CHSY1: variants seen among roughly 807,000 people sequenced by gnomAD.
CHSY1 encodes N-acetylgalactosaminyl-proteoglycan 3-beta-glucuronosyltransferase 1.
In CHSY1, 13 loss-of-function variants were observed where a neutral mutation model predicts 59.8. That is an observed-to-expected ratio of 0.22 (90% confidence interval 0.14 to 0.35). CHSY1 has a LOEUF of 0.35. Among genes scored for constraint, CHSY1 ranks in the 10% least tolerant of loss-of-function variants. CHSY1 has a pLI of 1.00. For missense variants in CHSY1, 947 were observed against 1,030.6 expected (o/e 0.92, Z 1.11); for synonymous variants, 459 against 401.2 (o/e 1.14, Z -1.72).
chr15:101,203,521 C>CA (rs1313653249), intron 2 of CHSY1, among the ~76,000 whole-genome samples: 11 of 152,172 alleles, frequency 7.2e-5, no homozygotes, highest in Admixed American at 5.2e-4. Context: ...ATTAACTCAT[C>CA]ATTAACTCAA....
At chr15:101,237,461 G>A (rs1217787573) in intron 1 of CHSY1, among the ~76,000 whole-genome samples, 1 of 152,174 alleles carries the variant, frequency 6.6e-6, no homozygotes, top group Admixed American at 6.5e-5. Context: ...CCAGACCCGG[G>A]TTTAAGAGAC....
At chr15:101,211,921 C>CA (rs79234555) in intron 2 of CHSY1, among the ~76,000 whole-genome samples, 7,113 of 120,208 alleles carry the variant, frequency 0.059, 308 homozygotes, top group African/African-American at 0.14. Context: ...ATATATCATC[C>CA]AAAAAAAAAA....
intron 2 of CHSY1, among the ~76,000 whole-genome samples, chr15:101,210,745 G>A (rs1292374688): frequency 1.3e-5 from 2 of 152,126 alleles, no homozygotes; most frequent in Admixed American, 1.3e-4. Flanking sequence ...TATCCTCACT[G>A]GAGGACAGTA....
At chr15:101,205,811 C>T (rs536289373) in intron 2 of CHSY1, among the ~76,000 whole-genome samples, 17 of 152,000 alleles carry the variant, frequency 1.1e-4, no homozygotes, top group African/African-American at 3.6e-4. Context: ...ATTAGCTGGG[C>T]GTGGTGGTGG....
At chr15:101,235,037 T>C (rs953788547) in intron 2 of CHSY1, 45 bp downstream of exon 2, 6 of 1,606,320 alleles carry the variant, frequency 3.7e-6, no homozygotes, top group Middle Eastern at 1.6e-4. Context: ...AATGACAAAA[T>C]TGACAAAATT....
In CHSY1 at chr15:101,187,389, G is replaced by C. The variant is rs571720464; in HGVS notation, c.817-8409C>G. 5.9e-5 allele frequency among the ~76,000 whole-genome samples: 9 copies of C among 152,274 alleles called. No individual in the cohort carries two copies. The East Asian group carries it at 1.5e-3, about 26-fold the overall frequency. ...AGCTACTCGGGAGGGTGAGGTGGGA[G>C]AATCGCTTGAACCTGGGAAGCGGAG... On this transcript the variant is annotated intron_variant, in intron 2 of 2. Transcript: ENST00000254190.
chr15:101,224,361 C>G (rs1200806810), intron 2 of CHSY1, among the ~76,000 whole-genome samples: 1 of 152,178 alleles, frequency 6.6e-6, no homozygotes, highest in Non-Finnish European at 1.5e-5. Flanking sequence ...CAAGTCTGGC[C>G]TCCCACTAAC....
At position 101,192,379 on chromosome 15, in the gene CHSY1, C is replaced by G. The variant is rs1190782333; in HGVS notation, c.817-13399G>C. 2.0e-5 allele frequency among the ~76,000 whole-genome samples: 3 copies of G among 152,064 alleles called. No homozygotes were observed. The East Asian group carries it at 5.8e-4, about 29-fold the overall frequency. ...AACAAGAGCTAAGAGAACACACACTCTGCACAGGGCCTTTGCCTGCTCAGA... is the reference window on the plus strand; with the variant it reads ...AACAAGAGCTAAGAGAACACACACTGTGCACAGGGCCTTTGCCTGCTCAGA... On this transcript the variant is annotated intron_variant, in intron 2 of 2. Coordinates refer to ENST00000254190, the MANE Select transcript of CHSY1 (RefSeq NM_014918.5).
chr15:101,201,918 G>A (rs1003840626), intron 2 of CHSY1, among the ~76,000 whole-genome samples: 12 of 152,242 alleles, frequency 7.9e-5, no homozygotes, highest in African/African-American at 2.9e-4. Context: ...CCAGCAGCAA[G>A]CCAGCCAGGG....
chr15:101,176,636 A>G lies in CHSY1; in HGVS notation c.*752T>C, dbSNP rs2038193073. The G allele has an allele frequency of 5.5e-6, 2 of 365,896 alleles. No homozygotes were observed. Among genetic ancestry groups the G allele is most frequent in the East Asian group, 7.9e-5 (2 of 25,414 alleles). 22.7% of individuals were successfully genotyped at this position (365,896 alleles called of 1,614,324 possible). On this transcript the variant is annotated 3_prime_UTR_variant, in exon 3 of 3. Coordinates refer to ENST00000254190, the MANE Select transcript of CHSY1 (RefSeq NM_014918.5). ...TGGTGAAACCCCGTCTCTACTAAAA[A>G]TACAAAAAAACTAGCTGGGCGTGGT... is the stretch of plus-strand genomic sequence containing the variant.
At chr15:101,203,364 G>C (rs1485511666) in intron 2 of CHSY1, among the ~76,000 whole-genome samples, 2 of 152,108 alleles carry the variant, frequency 1.3e-5, no homozygotes, top group African/African-American at 2.4e-5. Context: ...CAATACAAAG[G>C]CTTCCCACAA....
chr15:101,251,361 G>C lies in CHSY1; in HGVS notation c.96C>G (p.Ser32=). 6.0e-6 allele frequency: 7 copies of C among 1,157,734 alleles called. No homozygotes were observed. Among genetic ancestry groups the C allele is most frequent in the Non-Finnish European group, 6.5e-6 (6 of 922,186 alleles). The allele number at this position is 1,157,734 out of a possible 1,614,324, so 71.7% of individuals were successfully genotyped here. The change falls in exon 1 of 3, where the codon TCC becomes TCG. Residue 32 remains serine (S), a synonymous_variant. Coordinates refer to ENST00000254190, the MANE Select transcript of CHSY1 (RefSeq NM_014918.5). ...GCCGTGGGCCCGCTCGCTTCAGCTCGGAAGCCCGGGGCAGGACGAGCCGCG... is the reference window on the plus strand; with the variant it reads ...GCCGTGGGCCCGCTCGCTTCAGCTCCGAAGCCCGGGGCAGGACGAGCCGCG... ...LASRLVLPRA[S]ELKRAGPRRR... is the part of the protein sequence containing the mutation.
chr15:101,240,279 TGAG>T (rs1386106050), intron 1 of CHSY1, among the ~76,000 whole-genome samples: 1 of 152,154 alleles, frequency 6.6e-6, no homozygotes, highest in East Asian at 1.9e-4. Flanking sequence ...ACCACCATCC[TGAG>T]GAGGAGGAGG....
At chr15:101,218,522 G>T (rs559661346) in intron 2 of CHSY1, among the ~76,000 whole-genome samples, 101 of 152,322 alleles carry the variant, frequency 6.6e-4, no homozygotes, top group Non-Finnish European at 1.1e-3. Context: ...CTTGAATGCA[G>T]GAGAATCGCT....
intron 2 of CHSY1, among the ~76,000 whole-genome samples, chr15:101,195,456 A>C (rs1337214266): frequency 2.0e-5 from 3 of 152,250 alleles, no homozygotes; most frequent in African/African-American, 7.2e-5. Flanking sequence ...AGATGTGAGA[A>C]AGTTTAAAGG....
At chr15:101,235,636 T>C in intron 1 of CHSY1, 59 bp from the exon 2 acceptor site, 1 of 1,561,588 alleles carries the variant, frequency 6.4e-7, no homozygotes, top group African/African-American at 1.3e-5. Context: ...TTTTCAGGAA[T>C]TCACGTTATC....
At chr15:101,234,889 T>A (rs1302949558) in intron 2 of CHSY1, among the ~76,000 whole-genome samples, 193 bp downstream of exon 2, 1 of 151,718 alleles carries the variant, frequency 6.6e-6, no homozygotes, top group Non-Finnish European at 1.5e-5. Flanking sequence ...GTACAGAAGA[T>A]ATGCGCTCAA....
intron 2 of CHSY1, chr15:101,186,847 A>ACAGAC: frequency 6.6e-6 from 1 of 152,322 alleles, no homozygotes; most frequent in African/African-American, 2.4e-5. Context: ...AACAGACAAA[A>ACAGAC]AACACAAAAA....
intron 2 of CHSY1, 73 bp downstream of exon 2, chr15:101,235,009 T>C: frequency 6.4e-7 from 1 of 1,570,432 alleles, no homozygotes; most frequent in Non-Finnish European, 8.7e-7. Flanking sequence ...TCTAGTTTCC[T>C]ATGATACGCT....
Sources: allele counts gnomAD v4.1 joint callset (sites outside exome capture counted in the v4.1 genomes callset), GRCh38; gene constraint gnomAD v4.1.1; transcripts MANE v1.5; gene names NCBI Gene and HGNC (gene_info 2026-07-23, HGNC 2026-07-21).